The following RBFOX1 variants were observed in gnomAD, a reference collection of about 807,000 sequenced individuals.
RBFOX1 encodes the protein RNA binding fox-1 homolog 1, also known as RNA binding protein fox-1 homolog 1.
RBFOX1 carries 8 observed loss-of-function variants against 57.7 expected under a neutral mutation model. The ratio of observed to expected loss-of-function variants is 0.14; its 90% CI spans 0.08 to 0.25. The LOEUF is 0.25. Among genes scored for constraint, RBFOX1 ranks in the 10% least tolerant of loss-of-function variants. The probability of loss-of-function intolerance (pLI) is 1.00; values close to 1 mark genes in which losing one functional copy is unlikely to be tolerated. For missense variants in RBFOX1, 611 were observed against 548.5 expected (o/e 1.11, Z -1.14); for synonymous variants, 326 against 222.4 (o/e 1.47, Z -4.15).
At chr16:6,212,272 A>G (rs1480016339) in intron 1 of RBFOX1, among the ~76,000 whole-genome samples, 1 of 152,226 alleles carries the variant, frequency 6.6e-6, no homozygotes, top group Non-Finnish European at 1.5e-5. Flanking sequence ...TACTATGATT[A>G]CTTTTATGTA....
chr16:7,323,993 G>T (rs1039661278), intron 4 of RBFOX1, among the ~76,000 whole-genome samples: 2 of 152,160 alleles, frequency 1.3e-5, no homozygotes, highest in Admixed American at 6.5e-5. Context: ...GGAAAGTCTG[G>T]ATCAAACAAG....
At chr16:6,729,231 C>T (rs1277375216) in intron 3 of RBFOX1, among the ~76,000 whole-genome samples, 3 of 152,078 alleles carry the variant, frequency 2.0e-5, no homozygotes, top group Admixed American at 6.5e-5. Context: ...TAATTGGGGT[C>T]ACCAGACCCC....
At chr16:6,814,763 GC>G (rs1177956352) in intron 3 of RBFOX1, among the ~76,000 whole-genome samples, 1 of 152,066 alleles carries the variant, frequency 6.6e-6, no homozygotes, top group Non-Finnish European at 1.5e-5. Flanking sequence ...GAGAGGTGGG[GC>G]TAGAGTTGAG....
At chr16:6,009,551 T>A (rs1488597387) in intron 4 of RBFOX1, among the ~76,000 whole-genome samples, 9 of 152,150 alleles carry the variant, frequency 5.9e-5, no homozygotes, top group Non-Finnish European at 1.3e-4. Flanking sequence ...ATATTTATGG[T>A]GCATAATCAG....
intron 2 of RBFOX1, among the ~76,000 whole-genome samples, chr16:6,396,065 C>CAA (rs1165644198): frequency 0.016 from 982 of 61,220 alleles, 50 homozygotes; most frequent in African/African-American, 0.049. Flanking sequence ...GACTCCTTCT[C>CAA]AAAAAAAAAA....
Position 6,093,695 on chromosome 16 carries a change from C to G in RBFOX1, c.-127+73703C>G, listed in dbSNP as rs186963753. Among the ~76,000 whole-genome samples, 14 of 152,228 alleles carry G rather than the reference C, an allele frequency of 9.2e-5. No individual in the cohort carries two copies. In the East Asian group the frequency reaches 1.9e-3, roughly 21 times the overall value. On this transcript the variant is annotated intron_variant, in intron 1 of 15. Transcript: ENST00000550418. ...AGAGTGCAGTGGCTCAAGTGTAGCT[C>G]CCTGCAGCCTTAACCTCCTAGGCTC...
intron 2 of RBFOX1, among the ~76,000 whole-genome samples, chr16:5,479,604 C>G (rs1010691486): frequency 1.2e-4 from 18 of 149,520 alleles, no homozygotes; most frequent in Non-Finnish European, 1.3e-4. Flanking sequence ...TCTAAAAATA[C>G]AAAAATTAGC....
intron 4 of RBFOX1, among the ~76,000 whole-genome samples, chr16:7,149,386 T>A (rs1435701581): frequency 6.6e-6 from 1 of 152,018 alleles, no homozygotes; most frequent in Non-Finnish European, 1.5e-5. Flanking sequence ...GATCCCCCAC[T>A]CCATTCCCAC....
chr16:6,068,225 C>T (rs1213932753), intron 1 of RBFOX1, among the ~76,000 whole-genome samples: 3 of 152,170 alleles, frequency 2.0e-5, no homozygotes, highest in African/African-American at 7.2e-5. Flanking sequence ...CCAGTGCAAG[C>T]TCCCTGGCAG....
At chr16:7,599,638 C>CTTT (rs542898195) in intron 9 of RBFOX1, among the ~76,000 whole-genome samples, 1,784 of 62,414 alleles carry the variant, frequency 0.029, 236 homozygotes, top group African/African-American at 0.035. Flanking sequence ...TTAATAAAGA[C>CTTT]TTTTTTTTTT....
intron 4 of RBFOX1, among the ~76,000 whole-genome samples, chr16:5,923,993 G>C (rs902873685): frequency 8.5e-5 from 13 of 152,086 alleles, no homozygotes; most frequent in Non-Finnish European, 1.5e-5. Context: ...TCAAGGTCAG[G>C]ACAATGTGGA....
intron 4 of RBFOX1, among the ~76,000 whole-genome samples, chr16:7,151,541 CTT>C (rs1054199973): frequency 6.6e-6 from 1 of 152,138 alleles, no homozygotes. Context: ...ACTCCCCAAC[CTT>C]TTTGGCATTA....
At chr16:6,584,446 C>T (rs2097578596) in intron 2 of RBFOX1, among the ~76,000 whole-genome samples, 1 of 151,450 alleles carries the variant, frequency 6.6e-6, no homozygotes, top group Non-Finnish European at 1.5e-5. Flanking sequence ...TAGCACACTC[C>T]AACCTCTGCC....
At chr16:6,306,056 G>C (rs916580339) in intron 1 of RBFOX1, among the ~76,000 whole-genome samples, 1 of 152,114 alleles carries the variant, frequency 6.6e-6, no homozygotes, top group African/African-American at 2.4e-5. Context: ...AAAGCGCGTT[G>C]GTTTTGCTCT....
At chr16:7,027,525 CT>C (rs36084012) in intron 3 of RBFOX1, among the ~76,000 whole-genome samples, 115,454 of 151,668 alleles carry the variant, frequency 0.76, 44,126 homozygotes, top group East Asian at 0.92. Flanking sequence ...GGCTTCAGGG[CT>C]TTTTTTTCTA....
At chr16:7,679,944 A>G (rs2074315549) in intron 14 of RBFOX1, among the ~76,000 whole-genome samples, 1 of 152,204 alleles carries the variant, frequency 6.6e-6, no homozygotes, top group African/African-American at 2.4e-5. Flanking sequence ...AACATTTGGC[A>G]AAGCACTTGA....
intron 4 of RBFOX1, among the ~76,000 whole-genome samples, chr16:7,490,945 T>G (rs962264050): frequency 1.3e-5 from 2 of 152,162 alleles, no homozygotes; most frequent in Admixed American, 1.3e-4. Flanking sequence ...CTTATCTTCT[T>G]TAGGTGGCCT....
At chr16:5,714,744 T>G (rs1024429775) in intron 3 of RBFOX1, among the ~76,000 whole-genome samples, 43 of 152,204 alleles carry the variant, frequency 2.8e-4, no homozygotes, top group African/African-American at 9.9e-4. Context: ...TACTGTATTG[T>G]GCATACCACA....
chr16:6,898,955 C>G (rs527422906), intron 3 of RBFOX1, among the ~76,000 whole-genome samples: 1 of 150,188 alleles, frequency 6.7e-6, no homozygotes, highest in East Asian at 2.0e-4. Flanking sequence ...GTGTATAATA[C>G]ATTGTGTATG....
Sources: allele counts gnomAD v4.1 joint callset (sites outside exome capture counted in the v4.1 genomes callset), GRCh38; gene constraint gnomAD v4.1.1; transcripts MANE v1.5; gene names NCBI Gene and HGNC (gene_info 2026-07-23, HGNC 2026-07-21).